Variants in DNAJC1 observed in about 807,000 individuals in gnomAD.
The protein encoded by DNAJC1 is DnaJ heat shock protein family (Hsp40) member C1.
In DNAJC1, 58 loss-of-function variants were observed where a neutral mutation model predicts 76.6. The observed-to-expected ratio is 0.76, with a 90% CI of 0.61 to 0.94. DNAJC1 has a LOEUF of 0.94. Ranked by LOEUF, DNAJC1 falls within the 40% of genes least tolerant of loss-of-function variation. The pLI, the probability that DNAJC1 is intolerant of heterozygous loss-of-function variation, is 0.00. For synonymous variants in DNAJC1, 258 were observed against 267.9 expected (o/e 0.96, Z 0.36); for missense variants, 689 against 677.3 (o/e 1.02, Z -0.19).
chr10:21,904,574 T>A lies in DNAJC1; in HGVS notation c.768A>T (p.Arg256Ser), dbSNP rs758672435. 6.2e-7 allele frequency: 1 copy of A among 1,607,824 alleles called. No homozygotes were observed. The highest frequency in any genetic ancestry group is 1.7e-5 in the Admixed American group (1 of 59,246). Residue 256 changes from arginine (R) to serine (S), a missense_variant, in exon 7 of 12, where the codon AGA becomes AGT. Coordinates refer to ENST00000376980, the MANE Select transcript of DNAJC1 (RefSeq NM_022365.4). ...GQFYAKYKET[R>S]LKEKEDALTR... is the part of the protein sequence containing the mutation. Reference sequence around the variant, plus strand: ...TCAGTGCATCTTCCTTTTCCTTCAATCTTGTTTCTTTATATTTAGCATAAA... The same window carrying A: ...TCAGTGCATCTTCCTTTTCCTTCAAACTTGTTTCTTTATATTTAGCATAAA...
At chr10:21,840,718 C>T (rs1835561514) in intron 8 of DNAJC1, among the ~76,000 whole-genome samples, 1 of 152,170 alleles carries the variant, frequency 6.6e-6, no homozygotes, top group Non-Finnish European at 1.5e-5. Flanking sequence ...CATCAAGCTA[C>T]CAATGACTTT....
At chr10:21,900,725 A>G (rs72806334) in intron 7 of DNAJC1, among the ~76,000 whole-genome samples, 1,899 of 152,340 alleles carry the variant, frequency 0.012, 15 homozygotes, top group Middle Eastern at 0.037. Flanking sequence ...CATAAGGTAC[A>G]GAGATTCTAT....
At chr10:21,782,376 C>A (rs1834543281) in intron 9 of DNAJC1, among the ~76,000 whole-genome samples, 1 of 152,098 alleles carries the variant, frequency 6.6e-6, no homozygotes. Context: ...CAATAACAGG[C>A]TCTGAAATTG....
At chr10:21,788,463 A>C (rs1239859371) in intron 9 of DNAJC1, among the ~76,000 whole-genome samples, 1 of 152,134 alleles carries the variant, frequency 6.6e-6, no homozygotes, top group East Asian at 1.9e-4. Flanking sequence ...ACCCTACCCT[A>C]CAGGCCAAAC....
intron 3 of DNAJC1, among the ~76,000 whole-genome samples, chr10:21,924,069 GAATA>G (rs1207556161): frequency 6.6e-6 from 1 of 151,782 alleles, no homozygotes; most frequent in Non-Finnish European, 1.5e-5. Flanking sequence ...TTTTGAAACT[GAATA>G]AAAACTACTT....
chr10:21,839,020 A>C (rs1432358219), intron 8 of DNAJC1, among the ~76,000 whole-genome samples: 1 of 152,258 alleles, frequency 6.6e-6, no homozygotes, highest in Non-Finnish European at 1.5e-5. Flanking sequence ...TAAAGAAAGG[A>C]AGGCAGAAAT....
rs563869041 is a variant in DNAJC1 at position 21,808,126 on chromosome 10, A to C, written c.979-2027T>G. Among the ~76,000 whole-genome samples the C allele has an allele frequency of 2.5e-4, 38 of 152,318 alleles. 1 individual carries two copies. The East Asian group carries it at 7.3e-3, about 29-fold the overall frequency. On this transcript the variant is annotated intron_variant, in intron 8 of 11. Transcript: ENST00000376980. ...TTGCATAAAGATATATACTGATCAA[A>C]CCATACAGTATGTACGAAATCACAC...
intron 8 of DNAJC1, among the ~76,000 whole-genome samples, chr10:21,878,021 T>C (rs1231848356): frequency 1.3e-5 from 2 of 152,246 alleles, no homozygotes; most frequent in African/African-American, 4.8e-5. Context: ...TTCACGTTGT[T>C]GTCTGTCTGA....
At chr10:21,824,868 G>C (rs1835221417) in intron 8 of DNAJC1, among the ~76,000 whole-genome samples, 1 of 152,106 alleles carries the variant, frequency 6.6e-6, no homozygotes, top group Admixed American at 6.6e-5. Context: ...CTGCTTCCTG[G>C]ATTCAAGTGA....
At chr10:21,825,961 G>A (rs187853333) in intron 8 of DNAJC1, among the ~76,000 whole-genome samples, 1 of 152,216 alleles carries the variant, frequency 6.6e-6, no homozygotes, top group East Asian at 1.9e-4. Flanking sequence ...TCGACCAGCT[G>A]CAGTGTGGCT....
intron 8 of DNAJC1, among the ~76,000 whole-genome samples, chr10:21,863,349 A>G (rs1835947452): frequency 6.6e-6 from 1 of 152,258 alleles, no homozygotes; most frequent in Middle Eastern, 3.4e-3. Flanking sequence ...AAGTTAAAAT[A>G]AGGAACTATT....
chr10:21,859,168 T>C (rs1395060473), intron 8 of DNAJC1, among the ~76,000 whole-genome samples: 1 of 152,188 alleles, frequency 6.6e-6, no homozygotes, highest in Non-Finnish European at 1.5e-5. Flanking sequence ...TTACCTACGT[T>C]TGACTCTTCC....
At chr10:21,938,836 G>T (rs557126831) in intron 1 of DNAJC1, among the ~76,000 whole-genome samples, 1 of 152,178 alleles carries the variant, frequency 6.6e-6, no homozygotes, top group Non-Finnish European at 1.5e-5. Context: ...AAAACCAAAA[G>T]ATCTTATCCA....
At chr10:21,870,770 A>C (rs1836090216) in intron 8 of DNAJC1, among the ~76,000 whole-genome samples, 1 of 152,054 alleles carries the variant, frequency 6.6e-6, no homozygotes, top group Non-Finnish European at 1.5e-5. Flanking sequence ...GCGAGACCTC[A>C]TATCAAAAAA....
chr10:21,833,036 G>A (rs372953759), intron 8 of DNAJC1, among the ~76,000 whole-genome samples: 1 of 152,248 alleles, frequency 6.6e-6, no homozygotes, highest in Non-Finnish European at 1.5e-5. Context: ...AAAATTTTTG[G>A]TTTTTTCCTA....
At chr10:21,958,638 G>C (rs569195703) in intron 1 of DNAJC1, among the ~76,000 whole-genome samples, 1 of 152,050 alleles carries the variant, frequency 6.6e-6, no homozygotes, top group African/African-American at 2.4e-5. Context: ...GTGTTAGCCA[G>C]GACAGTCTCG....
rs951980215 is a variant in DNAJC1 at position 21,840,149 on chromosome 10, C to T, written c.979-34050G>A. On this transcript the variant is annotated intron_variant, in intron 8 of 11. Transcript: ENST00000376980. ...GACAAACTCACAGCCAATATCATACCGAATGGGCAAAAACTGGAAGCATTC... is the reference window on the plus strand; with the variant it reads ...GACAAACTCACAGCCAATATCATACTGAATGGGCAAAAACTGGAAGCATTC... Among the ~76,000 whole-genome samples, 33 of 152,192 alleles carry T rather than the reference C, an allele frequency of 2.2e-4. 1 individual carries two copies. Among genetic ancestry groups the T allele is most frequent in the African/African-American group, 5.1e-4 (21 of 41,546 alleles).
chr10:21,863,297 A>G (rs546335956), intron 8 of DNAJC1, among the ~76,000 whole-genome samples: 4 of 152,276 alleles, frequency 2.6e-5, no homozygotes, highest in Admixed American at 2.6e-4. Flanking sequence ...CAAAATAGTA[A>G]TATTAGAAAT....
At chr10:21,835,755 G>T (rs1307187596) in intron 8 of DNAJC1, among the ~76,000 whole-genome samples, 2 of 152,168 alleles carry the variant, frequency 1.3e-5, no homozygotes, top group Non-Finnish European at 2.9e-5. Context: ...ATGAAATGAA[G>T]CGAGAAGAGA....
Sources: gnomAD v4.1 joint callset for allele counts (sites outside exome capture counted in the v4.1 genomes callset) on GRCh38, gnomAD v4.1.1 for gene constraint, MANE v1.5 for transcripts, NCBI Gene and HGNC (gene_info 2026-07-23, HGNC 2026-07-21) for gene names.